Variants in TXNDC15 observed in about 807,000 individuals in gnomAD.
TXNDC15 encodes the protein thioredoxin domain containing 15.
A neutral mutation model predicts 35.0 loss-of-function variants in TXNDC15; 24 were observed. The ratio of observed to expected loss-of-function variants is 0.68; its 90% CI spans 0.50 to 0.96. TXNDC15 has a LOEUF of 0.96. Ranked by LOEUF, TXNDC15 falls within the 40% of genes least tolerant of loss-of-function variation. The probability of loss-of-function intolerance (pLI) is 0.00; values close to 1 mark genes in which losing one functional copy is unlikely to be tolerated. For missense variants in TXNDC15, 385 were observed against 453.3 expected, an observed-to-expected ratio of 0.85 and a Z score of 1.37; for synonymous variants, 169 against 174.0, an observed-to-expected ratio of 0.97 and a Z score of 0.23.
chr5:134,883,944 C>T (rs1316976207), intron 1 of TXNDC15, among the ~76,000 whole-genome samples: 2 of 148,978 alleles, frequency 1.3e-5, no homozygotes, highest in Admixed American at 6.7e-5. Context: ...GAAAGCCAGG[C>T]GCGGTGGCTC....
intron 1 of TXNDC15, among the ~76,000 whole-genome samples, chr5:134,881,750 C>T (rs1750150190): frequency 3.3e-5 from 5 of 149,678 alleles, no homozygotes; most frequent in Admixed American, 1.3e-4. Context: ...CTCCTCACTT[C>T]CCAGTAGGGG....
intron 1 of TXNDC15, among the ~76,000 whole-genome samples, chr5:134,881,212 TCA>T (rs1255844621): frequency 6.9e-6 from 1 of 144,390 alleles, no homozygotes; most frequent in Non-Finnish European, 1.5e-5. Context: ...TTTTTATTGA[TCA>T]TTCTTGGGTG....
At chr5:134,876,747 T>C (rs1290814218) in intron 1 of TXNDC15, among the ~76,000 whole-genome samples, 2 of 151,342 alleles carry the variant, frequency 1.3e-5, no homozygotes, top group Non-Finnish European at 3.0e-5. Context: ...TTTTTTTTTT[T>C]TTTCTGCAGA....
intron 1 of TXNDC15, among the ~76,000 whole-genome samples, chr5:134,876,265 G>A (rs1049567667): frequency 2.6e-5 from 4 of 152,160 alleles, no homozygotes; most frequent in Non-Finnish European, 5.9e-5. Context: ...CTGTCCTACC[G>A]TCTTGCTTCC....
intron 1 of TXNDC15, among the ~76,000 whole-genome samples, chr5:134,876,529 C>A (rs960241307): frequency 6.6e-6 from 1 of 151,994 alleles, no homozygotes; most frequent in African/African-American, 2.4e-5. Flanking sequence ...TTTCATTTCT[C>A]TGCACCCAGC....
rs1749992326 is a variant in TXNDC15, at chr5:134,874,547, G to A, written c.103+17G>A. 5 of 1,588,342 alleles carry A rather than the reference G, an allele frequency of 3.1e-6. No homozygotes were observed. Among genetic ancestry groups the A allele is most frequent in the Non-Finnish European group, 4.3e-6 (5 of 1,171,270 alleles). The stretch of plus-strand genomic sequence containing the variant: ...GCGTGGAGGGTGAGTGTGGGCCGGG[G>A]GCGGTGCATGAGATGATGGGGCGAG... On this transcript the variant is annotated intron_variant, in intron 1 of 4. Coordinates refer to ENST00000358387, the MANE Select transcript of TXNDC15 (RefSeq NM_024715.4).
chr5:134,889,337 G>C (rs1243302862), intron 2 of TXNDC15, among the ~76,000 whole-genome samples: 2 of 152,160 alleles, frequency 1.3e-5, no homozygotes, highest in Admixed American at 6.5e-5. Flanking sequence ...TGGTTCTCCT[G>C]CCTCAGCCTC....
intron 2 of TXNDC15, among the ~76,000 whole-genome samples, chr5:134,889,819 AC>A (rs1412177021): frequency 1.3e-5 from 2 of 152,252 alleles, no homozygotes; most frequent in Non-Finnish European, 2.9e-5. Flanking sequence ...CCCAGTGCAT[AC>A]AGAAGTTATA....
chr5:134,883,028 G>A (rs1750192093), intron 1 of TXNDC15, among the ~76,000 whole-genome samples: 1 of 152,338 alleles, frequency 6.6e-6, no homozygotes, highest in East Asian at 1.9e-4. Context: ...GGTGGCTCAT[G>A]CCTGTAATCC....
intron 1 of TXNDC15, among the ~76,000 whole-genome samples, chr5:134,882,777 C>T (rs1236827479): frequency 6.6e-6 from 1 of 151,802 alleles, no homozygotes; most frequent in Admixed American, 6.6e-5. Flanking sequence ...TGCAGTGAGC[C>T]GAGATGGCAG....
rs185429226 is a variant in TXNDC15 at position 134,890,685 on chromosome 5, C to A, written c.591+2503C>A. On this transcript the variant is annotated intron_variant, in intron 2 of 4. Coordinates refer to ENST00000358387, the MANE Select transcript of TXNDC15 (RefSeq NM_024715.4). ...TTGGCCTTCCAAAGTGCTGGGATTACAGGCATGAGCCACCACACCTGGCCT... is the reference window on the plus strand; with the variant it reads ...TTGGCCTTCCAAAGTGCTGGGATTAAAGGCATGAGCCACCACACCTGGCCT... Among the ~76,000 whole-genome samples, 778 of 152,234 alleles carry A rather than the reference C, an allele frequency of 5.1e-3. 1 individual carries two copies. Among genetic ancestry groups the A allele is most frequent in the Middle Eastern group, 0.014 (4 of 292 alleles).
chr5:134,882,358 A>G (rs935535665), intron 1 of TXNDC15, among the ~76,000 whole-genome samples: 20 of 147,520 alleles, frequency 1.4e-4, no homozygotes, highest in African/African-American at 4.6e-4. Context: ...CACTTTCCAG[A>G]CTGGGCAGCC....
At chr5:134,884,186 C>T (rs544497442) in intron 1 of TXNDC15, among the ~76,000 whole-genome samples, 32 of 145,284 alleles carry the variant, frequency 2.2e-4, no homozygotes, top group Non-Finnish European at 3.0e-4. Context: ...TGCCACTGCA[C>T]TCCAACCTGG....
intron 2 of TXNDC15, chr5:134,893,230 C>T (rs761118461): frequency 5.8e-5 from 22 of 381,406 alleles, no homozygotes; most frequent in Admixed American, 2.9e-4. Flanking sequence ...TAGGAAAGCG[C>T]AGAGGAAAGT....
chr5:134,891,420 G>A (rs1188749395), intron 2 of TXNDC15, among the ~76,000 whole-genome samples: 1 of 152,118 alleles, frequency 6.6e-6, no homozygotes, highest in Non-Finnish European at 1.5e-5. Context: ...CAGAACTCTT[G>A]GTTGACCAGG....
At chr5:134,876,209 C>A (rs1049435752) in intron 1 of TXNDC15, among the ~76,000 whole-genome samples, 2 of 152,128 alleles carry the variant, frequency 1.3e-5, no homozygotes, top group African/African-American at 4.8e-5. Flanking sequence ...GCCCCTCCAC[C>A]GTGCTCTGTG....
intron 1 of TXNDC15, among the ~76,000 whole-genome samples, chr5:134,886,148 C>T (rs1750271287): frequency 6.6e-6 from 1 of 152,238 alleles, no homozygotes. Flanking sequence ...TATTGATTAT[C>T]ACATGTGCTT....
At chr5:134,896,472 G>A in intron 4 of TXNDC15, 48 bp downstream of exon 4, 1 of 1,606,736 alleles carries the variant, frequency 6.2e-7, no homozygotes, top group Non-Finnish European at 8.5e-7. Flanking sequence ...ATTGCTGGGG[G>A]TCTGTGCCTT....
intron 1 of TXNDC15, among the ~76,000 whole-genome samples, chr5:134,882,427 T>TTCAGAGACGCC (rs1750171928): frequency 6.6e-6 from 1 of 152,132 alleles, no homozygotes; most frequent in South Asian, 2.1e-4. Flanking sequence ...CGCTCCTCAC[T>TTCAGAGACGCC]TCCCAGACAG....
Sources: gnomAD v4.1 joint callset for allele counts (sites outside exome capture counted in the v4.1 genomes callset) on GRCh38, gnomAD v4.1.1 for gene constraint, MANE v1.5 for transcripts, NCBI Gene and HGNC (gene_info 2026-07-23, HGNC 2026-07-21) for gene names.